The following COL26A1 variants were observed in gnomAD, a reference collection of about 807,000 sequenced individuals.
The protein encoded by COL26A1 is collagen type XXVI alpha 1 chain, also known as collagen alpha-1(XXVI) chain.
Under a neutral mutation model 59.3 loss-of-function variants are expected in COL26A1, and 41 were observed. That is an observed-to-expected ratio of 0.69 (90% CI 0.54 to 0.90). COL26A1 has a LOEUF of 0.90. Ranked by LOEUF, COL26A1 falls within the 40% of genes least tolerant of loss-of-function variation. COL26A1 has a pLI of 0.00. For synonymous variants in COL26A1, 266 were observed against 256.0 expected (o/e 1.04, Z -0.37); for missense variants, 612 against 602.3 (o/e 1.02, Z -0.17).
intron 3 of COL26A1, among the ~76,000 whole-genome samples, chr7:101,526,090 C>T (rs1795241996): frequency 6.6e-6 from 1 of 151,874 alleles, no homozygotes; most frequent in South Asian, 2.1e-4. Flanking sequence ...CTCTTGTTGC[C>T]CAGGCTGGAG....
At chr7:101,427,371 A>AT (rs201293015) in intron 2 of COL26A1, among the ~76,000 whole-genome samples, 1 of 151,596 alleles carries the variant, frequency 6.6e-6, no homozygotes, top group Non-Finnish European at 1.5e-5. Flanking sequence ...TTAATTAAAA[A>AT]TTTTTTTTGG....
chr7:101,440,868 T>C (rs1461601603), intron 2 of COL26A1, among the ~76,000 whole-genome samples: 1 of 151,716 alleles, frequency 6.6e-6, no homozygotes, highest in African/African-American at 2.4e-5. Flanking sequence ...TTGCAGCTAC[T>C]TGGGAGGCTG....
upstream of COL26A1, among the ~76,000 whole-genome samples, chr7:101,362,518 C>T (rs962544264): frequency 1.3e-5 from 2 of 152,202 alleles, no homozygotes; most frequent in Non-Finnish European, 2.9e-5. Flanking sequence ...TTAACTTTCT[C>T]CAGCCTCAGT....
chr7:101,393,555 A>G (rs530247804), intron 1 of COL26A1, among the ~76,000 whole-genome samples: 1 of 152,264 alleles, frequency 6.6e-6, no homozygotes, highest in Admixed American at 6.5e-5. Flanking sequence ...CAAACTGACA[A>G]CATCTTCACA....
chr7:101,534,109 T>A (rs1332290848), intron 4 of COL26A1, among the ~76,000 whole-genome samples: 1 of 152,110 alleles, frequency 6.6e-6, no homozygotes, highest in African/African-American at 2.4e-5. Flanking sequence ...CCTCCAAATA[T>A]CTACAAAGCC....
chr7:101,377,069 G>T (rs1791334915), intron 1 of COL26A1, among the ~76,000 whole-genome samples: 1 of 152,164 alleles, frequency 6.6e-6, no homozygotes, highest in African/African-American at 2.4e-5. Context: ...ATGTTTGCCA[G>T]GCTGGTCTCA....
At chr7:101,364,327 CTT>C (rs1176612516) in intron 1 of COL26A1, among the ~76,000 whole-genome samples, 1 of 131,610 alleles carries the variant, frequency 7.6e-6, no homozygotes, top group East Asian at 2.3e-4. Flanking sequence ...CCCTCCGTCT[CTT>C]TTTTATATTT....
chr7:101,448,476 C>T (rs1389478710), intron 3 of COL26A1, among the ~76,000 whole-genome samples: 3 of 151,888 alleles, frequency 2.0e-5, no homozygotes, highest in South Asian at 2.1e-4. Flanking sequence ...TGAGGCTCAG[C>T]GGTCAGATTT....
At chr7:101,546,540 T>C (rs1355908728) in intron 7 of COL26A1, among the ~76,000 whole-genome samples, 1 of 152,112 alleles carries the variant, frequency 6.6e-6, no homozygotes, top group Non-Finnish European at 1.5e-5. Flanking sequence ...CCTCCCAAAG[T>C]GCTGGGAGTA....
chr7:101,389,905 T>C (rs10269968), intron 1 of COL26A1, among the ~76,000 whole-genome samples: 9,372 of 152,220 alleles, frequency 0.062, 662 homozygotes, highest in African/African-American at 0.16. Context: ...CAGGTGGTCT[T>C]GAACTCCAGA....
intron 1 of COL26A1, among the ~76,000 whole-genome samples, chr7:101,364,179 G>C (rs6465798): frequency 0.58 from 88,138 of 151,994 alleles, 27,128 homozygotes; most frequent in African/African-American, 0.8. Context: ...AATTTCCCCA[G>C]AAAACCATAA....
rs7809926 is a variant in COL26A1, at chr7:101,557,555, G to A, written c.*25G>A. 47,130 of 1,583,372 alleles carry A rather than the reference G, an allele frequency of 0.03. 800 individuals are homozygous for A. Among genetic ancestry groups the A allele is most frequent in the Middle Eastern group, 0.037 (214 of 5,742 alleles). On this transcript the variant is annotated 3_prime_UTR_variant, in exon 13 of 13. Transcript: ENST00000313669. Reference sequence around the variant, plus strand: ...AGAGCCCACTGCTCCAGGACACCCTGTCCTGGCTAGAGACCCAGCCCCAGA... The same window carrying A: ...AGAGCCCACTGCTCCAGGACACCCTATCCTGGCTAGAGACCCAGCCCCAGA...
At chr7:101,471,339 C>T (rs1189773796) in intron 3 of COL26A1, among the ~76,000 whole-genome samples, 4 of 152,074 alleles carry the variant, frequency 2.6e-5, no homozygotes, top group Admixed American at 6.5e-5. Flanking sequence ...AGTGTGTTAC[C>T]GGAAAGGAGT....
At chr7:101,453,404 G>A (rs1162261134) in intron 3 of COL26A1, among the ~76,000 whole-genome samples, 1 of 152,174 alleles carries the variant, frequency 6.6e-6, no homozygotes, top group Non-Finnish European at 1.5e-5. Flanking sequence ...ACTCGTATAT[G>A]CAGTCTGTCG....
rs141215959 is a variant in COL26A1, at chr7:101,409,783, C to T, written c.159-10194C>T. 4.1e-3 allele frequency among the ~76,000 whole-genome samples: 619 copies of T among 151,934 alleles called. 1 individual carries two copies. Among genetic ancestry groups the T allele is most frequent in the African/African-American group, 0.01 (417 of 41,484 alleles). On this transcript the variant is annotated intron_variant, in intron 1 of 12. Transcript: ENST00000313669. ...GAGGCTAGGGTCTTTTTTTTTGAGA[C>T]GGAGTCTCGCTCTGTTGCCCAGGCG...
intron 1 of COL26A1, among the ~76,000 whole-genome samples, chr7:101,382,870 T>C (rs796771536): frequency 2.6e-5 from 4 of 152,032 alleles, no homozygotes; most frequent in African/African-American, 9.6e-5. Flanking sequence ...ACGTGGAGAA[T>C]ATCGCTACTA....
chr7:101,385,139 T>C (rs972420055), intron 1 of COL26A1, among the ~76,000 whole-genome samples: 3 of 151,434 alleles, frequency 2.0e-5, no homozygotes, highest in African/African-American at 7.3e-5. Flanking sequence ...ACTGTTAATC[T>C]CCTCTGAAAA....
At chr7:101,414,758 A>T (rs1204172067) in intron 1 of COL26A1, among the ~76,000 whole-genome samples, 1 of 152,076 alleles carries the variant, frequency 6.6e-6, no homozygotes, top group Non-Finnish European at 1.5e-5. Context: ...TTGGAAACAC[A>T]CACTGAGTGC....
At position 101,436,459 on chromosome 7, in the gene COL26A1, C is replaced by T. The variant is rs144382422; in HGVS notation, c.282-11225C>T. ...TGGAGGCCAGGGGAGGAGTCGGGGGCGGGCAGGCATGGAGGCTGAGAAGGG... is the reference window on the plus strand; with the variant it reads ...TGGAGGCCAGGGGAGGAGTCGGGGGTGGGCAGGCATGGAGGCTGAGAAGGG... On this transcript the variant is annotated intron_variant, in intron 2 of 12. Transcript: ENST00000313669. Among the ~76,000 whole-genome samples the T allele has an allele frequency of 3.3e-5, 5 of 152,092 alleles. No individual in the cohort carries two copies. The East Asian group carries it at 9.7e-4, about 29-fold the overall frequency.
Sources: gnomAD v4.1 joint callset for allele counts (sites outside exome capture counted in the v4.1 genomes callset) on GRCh38, gnomAD v4.1.1 for gene constraint, MANE v1.5 for transcripts, NCBI Gene and HGNC (gene_info 2026-07-23, HGNC 2026-07-21) for gene names.